ALK: variants seen among roughly 807,000 people sequenced by gnomAD.
The protein encoded by ALK is ALK tyrosine kinase receptor.
ALK carries 74 observed loss-of-function variants against 163.1 expected under a neutral mutation model. The observed-to-expected ratio is 0.45, with a 90% CI of 0.38 to 0.55. ALK has a LOEUF of 0.55. ALK is among the 20% of genes least tolerant of loss of function. The pLI is 0.00. For missense variants in ALK, 2,063 were observed against 2,105.3 expected (o/e 0.98, Z 0.39); for synonymous variants, 960 against 843.2 (o/e 1.14, Z -2.40).
chr2:29,278,839 C>T (rs1032363512), intron 9 of ALK, among the ~76,000 whole-genome samples: 3 of 152,184 alleles, frequency 2.0e-5, no homozygotes, highest in African/African-American at 7.2e-5. Flanking sequence ...GCACATTTCT[C>T]CACCAGGTCA....
chr2:29,213,410 A>G (rs1669514710), intron 24 of ALK, among the ~76,000 whole-genome samples: 1 of 152,222 alleles, frequency 6.6e-6, no homozygotes, highest in Admixed American at 6.5e-5. Context: ...CATTGTGTCT[A>G]TGCCAAGTAT....
intron 2 of ALK, among the ~76,000 whole-genome samples, chr2:29,706,178 A>G (rs1416877332): frequency 1.3e-5 from 2 of 152,188 alleles, no homozygotes; most frequent in Admixed American, 1.3e-4. Flanking sequence ...CATCTCTACC[A>G]TGCTAAGAAT....
chr2:29,364,140 C>A (rs550097413), intron 5 of ALK, among the ~76,000 whole-genome samples: 2 of 152,106 alleles, frequency 1.3e-5, no homozygotes, highest in Admixed American at 1.3e-4. Flanking sequence ...TAGAGATTAA[C>A]GAAAGGGAGG....
chr2:29,659,801 G>T (rs1437390155), intron 3 of ALK, among the ~76,000 whole-genome samples: 1 of 152,086 alleles, frequency 6.6e-6, no homozygotes, highest in Non-Finnish European at 1.5e-5. Context: ...AAAGAAAAGA[G>T]ATTTATTACC....
intron 1 of ALK, among the ~76,000 whole-genome samples, chr2:29,775,549 A>AAC (rs1553360214): frequency 6.6e-6 from 1 of 151,850 alleles, no homozygotes; most frequent in African/African-American, 2.4e-5. Flanking sequence ...AAAAAAAAAA[A>AAC]ACAAAAACAA....
intron 4 of ALK, among the ~76,000 whole-genome samples, chr2:29,516,643 A>C (rs1672674356): frequency 6.6e-6 from 1 of 152,206 alleles, no homozygotes; most frequent in South Asian, 2.1e-4. Context: ...CTGTGGGATC[A>C]AATCCCAACT....
intron 3 of ALK, among the ~76,000 whole-genome samples, chr2:29,611,192 A>C (rs1675681499): frequency 6.6e-6 from 1 of 152,166 alleles, no homozygotes; most frequent in African/African-American, 2.4e-5. Context: ...GGGAACAGCC[A>C]CAGACAGCAT....
chr2:29,368,989 C>T (rs887532345), intron 5 of ALK, among the ~76,000 whole-genome samples: 1 of 152,158 alleles, frequency 6.6e-6, no homozygotes, highest in Non-Finnish European at 1.5e-5. Context: ...CAGCACTCGC[C>T]ATGAATTTAA....
At chr2:29,239,924 G>A (rs1245691024) in intron 12 of ALK, 94 bp from the exon 13 acceptor site, 74 of 1,439,710 alleles carry the variant, frequency 5.1e-5, no homozygotes, top group Admixed American at 4.3e-4. Context: ...TAAGCACATC[G>A]CCATCGTGGT....
At position 29,918,572 on chromosome 2, in the gene ALK, G is replaced by A. The variant is rs145946489; in HGVS notation, c.667+1421C>T. Among the ~76,000 whole-genome samples, 884 of 152,316 alleles carry A rather than the reference G, an allele frequency of 5.8e-3. 6 individuals are homozygous for A. Among genetic ancestry groups the A allele is most frequent in the Non-Finnish European group, 9.7e-3 (659 of 68,026 alleles). Reference sequence around the variant, plus strand: ...TGAAAAGGGCTCACTTTAGGTGCCAGTGTCACTAACACTAATGTTGAAATG... The same window carrying A: ...TGAAAAGGGCTCACTTTAGGTGCCAATGTCACTAACACTAATGTTGAAATG... On this transcript the variant is annotated intron_variant, in intron 1 of 28. Coordinates refer to ENST00000389048, the MANE Select transcript of ALK (RefSeq NM_004304.5).
intron 1 of ALK, among the ~76,000 whole-genome samples, chr2:29,723,854 G>A: frequency 6.6e-6 from 1 of 152,158 alleles, no homozygotes; most frequent in Non-Finnish European, 1.5e-5. Flanking sequence ...AGATCATCTT[G>A]TGTCAATAAT....
intron 1 of ALK, among the ~76,000 whole-genome samples, chr2:29,911,681 A>C (rs1468960363): frequency 6.6e-6 from 1 of 152,242 alleles, no homozygotes; most frequent in Admixed American, 6.5e-5. Context: ...TTGAGAACAA[A>C]GCAAAGGTTC....
chr2:29,465,766 T>C (rs546437356), intron 4 of ALK, among the ~76,000 whole-genome samples: 45 of 152,156 alleles, frequency 3.0e-4, no homozygotes, highest in African/African-American at 1.0e-3. Context: ...GATGAAAAAC[T>C]GGATCTACCT....
intron 4 of ALK, among the ~76,000 whole-genome samples, chr2:29,526,509 A>G (rs1672963864): frequency 6.6e-6 from 1 of 152,162 alleles, no homozygotes; most frequent in African/African-American, 2.4e-5. Context: ...CCTAGACATT[A>G]AAGGCCTTAT....
intron 23 of ALK, among the ~76,000 whole-genome samples, chr2:29,218,698 G>GCATA (rs1403141210): frequency 6.6e-6 from 1 of 152,198 alleles, no homozygotes; most frequent in Non-Finnish European, 1.5e-5. Context: ...TCCTTTGCAT[G>GCATA]CATACAACTT....
At chr2:29,874,110 A>G (rs1388112992) in intron 1 of ALK, among the ~76,000 whole-genome samples, 2 of 152,214 alleles carry the variant, frequency 1.3e-5, no homozygotes, top group African/African-American at 2.4e-5. Context: ...ACTGGAATGT[A>G]TGGACAAATT....
chr2:29,561,377 T>A (rs1674018409), intron 3 of ALK, among the ~76,000 whole-genome samples: 1 of 152,216 alleles, frequency 6.6e-6, no homozygotes, highest in Non-Finnish European at 1.5e-5. Context: ...GCCCAGTTTG[T>A]AGCTGTTTAG....
At chr2:29,752,082 G>A (rs1320241089) in intron 1 of ALK, among the ~76,000 whole-genome samples, 1 of 152,156 alleles carries the variant, frequency 6.6e-6, no homozygotes, top group African/African-American at 2.4e-5. Context: ...CTACAAAGAC[G>A]TTCTGAACTT....
At chr2:29,887,941 G>A (rs1469990872) in intron 1 of ALK, among the ~76,000 whole-genome samples, 5 of 152,060 alleles carry the variant, frequency 3.3e-5, no homozygotes, top group African/African-American at 4.8e-5. Context: ...AACCTAAAAG[G>A]GCTACCAGGA....
Sources: gnomAD v4.1 joint callset for allele counts (sites outside exome capture counted in the v4.1 genomes callset) on GRCh38, gnomAD v4.1.1 for gene constraint, MANE v1.5 for transcripts, NCBI Gene and HGNC (gene_info 2026-07-23, HGNC 2026-07-21) for gene names.